RNF150: variants seen among roughly 807,000 people sequenced by gnomAD.
RNF150 encodes the protein ring finger protein 150.
A neutral mutation model predicts 39.3 loss-of-function variants in RNF150; 24 were observed. That is an observed-to-expected ratio of 0.61 (90% confidence interval 0.44 to 0.86). The LOEUF is 0.86. Ranked by LOEUF, RNF150 falls within the 40% of genes least tolerant of loss-of-function variation. RNF150 has a pLI of 0.00. For missense variants in RNF150, 502 were observed against 587.8 expected (o/e 0.85, Z 1.51); for synonymous variants, 255 against 227.3 (o/e 1.12, Z -1.10).
intron 1 of RNF150, among the ~76,000 whole-genome samples, chr4:141,016,838 G>T (rs192890154): frequency 6.6e-6 from 1 of 152,184 alleles, no homozygotes. Flanking sequence ...ACATTAGGGG[G>T]TCTGTCCAGA....
intron 4 of RNF150, among the ~76,000 whole-genome samples, chr4:140,945,845 G>C (rs935131006): frequency 6.6e-6 from 1 of 151,358 alleles, no homozygotes; most frequent in African/African-American, 2.4e-5. Flanking sequence ...AGTAGTAATC[G>C]CATAGGGCTC....
intron 1 of RNF150, among the ~76,000 whole-genome samples, chr4:141,102,144 G>A (rs574901400): frequency 2.4e-4 from 36 of 152,188 alleles, no homozygotes; most frequent in African/African-American, 7.5e-4. Flanking sequence ...CCAAAATGTC[G>A]TTATGTGGCA....
rs1728703426 is a variant in RNF150 at position 140,866,234 on chromosome 4, G to C, written c.*2027C>G. On this transcript the variant is annotated 3_prime_UTR_variant, in exon 7 of 7. Transcript: ENST00000515673. ...TAACTCTACCTCCCCAAGCTACGAA[G>C]CCTGATTGCCACAAGTCATAGCTAT... The C allele has an allele frequency of 6.6e-6, 1 of 152,210 alleles. No individual in the cohort carries two copies. The highest frequency in any genetic ancestry group is 2.4e-5 in the African/African-American group (1 of 41,442). The allele number at this position is 152,210 out of a possible 1,614,324, so 9.4% of individuals were successfully genotyped here.
At chr4:140,965,332 G>A (rs1733195704) in intron 2 of RNF150, among the ~76,000 whole-genome samples, 1 of 152,028 alleles carries the variant, frequency 6.6e-6, no homozygotes, top group Admixed American at 6.6e-5. Context: ...CGGTACAGAG[G>A]TTCCTAAAGA....
intron 1 of RNF150, among the ~76,000 whole-genome samples, chr4:141,109,532 G>A (rs774007792): frequency 6.6e-6 from 1 of 151,878 alleles, no homozygotes; most frequent in African/African-American, 2.4e-5. Context: ...GAACAAATAA[G>A]GAAAAGGTTA....
At chr4:141,202,819 G>A (rs1380066482) in intron 1 of RNF150, among the ~76,000 whole-genome samples, 1 of 151,676 alleles carries the variant, frequency 6.6e-6, no homozygotes, top group Non-Finnish European at 1.5e-5. Context: ...TTAGGGGTCA[G>A]ATCAGTACAA....
chr4:141,190,553 G>T lies in RNF150; in HGVS notation c.-6+22241C>A, dbSNP rs116280980. ...AACAACTTGAATGAGCTTGGAAAAG[G>T]TCCTTGAGCTTCACATGACAGCATA... On this transcript the variant is annotated intron_variant, in intron 1 of 7. Transcript: ENST00000420921. 9.1e-3 allele frequency among the ~76,000 whole-genome samples: 1,391 copies of T among 152,262 alleles called. 21 individuals are homozygous for T. Among genetic ancestry groups the T allele is most frequent in the African/African-American group, 0.031 (1,291 of 41,540 alleles).
At chr4:141,105,190 T>C (rs1000008230) in intron 1 of RNF150, among the ~76,000 whole-genome samples, 1 of 152,238 alleles carries the variant, frequency 6.6e-6, no homozygotes, top group Non-Finnish European at 1.5e-5. Context: ...TAAGTGGGAA[T>C]AACCCTCTGG....
rs1255295737 is a variant in RNF150 at position 141,044,852 on chromosome 4, T to A, written c.485-76979A>T. Among the ~76,000 whole-genome samples the A allele has an allele frequency of 2.6e-5, 4 of 152,084 alleles. No individual in the cohort carries two copies. The East Asian group carries it at 7.7e-4, about 29-fold the overall frequency. On this transcript the variant is annotated intron_variant, in intron 1 of 6. Transcript: ENST00000515673. ...CTTCAAAACTGAAAACTGTGGCACA[T>A]CTTACTGGAGCATCAGTTGATCTCA...
chr4:141,026,156 T>G (rs1735688796), intron 1 of RNF150, among the ~76,000 whole-genome samples: 2 of 152,202 alleles, frequency 1.3e-5, no homozygotes, highest in Non-Finnish European at 2.9e-5. Flanking sequence ...ATCCAGTCTA[T>G]GGTGCTTTTA....
chr4:141,145,290 C>T (rs750711720), intron 1 of RNF150, among the ~76,000 whole-genome samples: 7 of 151,978 alleles, frequency 4.6e-5, no homozygotes, highest in African/African-American at 9.7e-5. Context: ...GAACATTGAC[C>T]TATGAAGAAA....
intron 1 of RNF150, among the ~76,000 whole-genome samples, chr4:141,197,085 G>T (rs1728212998): frequency 6.6e-6 from 1 of 151,964 alleles, no homozygotes; most frequent in Non-Finnish European, 1.5e-5. Flanking sequence ...TTACTCCTTT[G>T]CGCTATTTCC....
At chr4:141,208,667 G>C (rs1472616436) in intron 1 of RNF150, among the ~76,000 whole-genome samples, 1 of 152,176 alleles carries the variant, frequency 6.6e-6, no homozygotes, top group Non-Finnish European at 1.5e-5. Context: ...TAACTAAACA[G>C]GGTTAAGGTC....
At chr4:141,205,161 A>G (rs1728354140) in intron 1 of RNF150, among the ~76,000 whole-genome samples, 1 of 152,204 alleles carries the variant, frequency 6.6e-6, no homozygotes, top group Non-Finnish European at 1.5e-5. Flanking sequence ...TCATTTTATT[A>G]TATAAATCTC....
rs576442258 is a variant in RNF150 at position 140,913,115 on chromosome 4, G to C, written c.988-1761C>G. Among the ~76,000 whole-genome samples, 136 of 152,104 alleles carry C rather than the reference G, an allele frequency of 8.9e-4. 2 individuals carry two copies. The South Asian group carries it at 0.016, about 17-fold the overall frequency. ...TGTCTCAGCTAAAATATAAAAATTA[G>C]CCAGGTGTGGTGGTGCGCACCTGTA... is the stretch of plus-strand genomic sequence containing the variant. On this transcript the variant is annotated intron_variant, in intron 5 of 6. Transcript: ENST00000515673.
In RNF150 at chr4:141,027,912, G is replaced by GTTTTTTGTTTTTTTTTTTTTTT. The variant is rs1560696593; in HGVS notation, c.485-60040_485-60039insAAAAAAAAAAAAAAACAAAAAA. Among the ~76,000 whole-genome samples, 3 of 27,102 alleles carry GTTTTTTGTTTTTTTTTTTTTTT rather than the reference G, an allele frequency of 1.1e-4. 1 individual carries two copies. Among genetic ancestry groups the GTTTTTTGTTTTTTTTTTTTTTT allele is most frequent in the Admixed American group, 9.8e-4 (2 of 2,040 alleles). 17.8% of individuals were successfully genotyped at this position (27,102 alleles called of 152,430 possible). On this transcript the variant is annotated intron_variant, in intron 1 of 6. Transcript: ENST00000515673. ...TAGATAGTTAATGAGCTTGGAATTT[G>GTTTTTTGTTTTTTTTTTTTTTT]TTTTTTTTTTTTTGTTTTTTTTTTT...
intron 2 of RNF150, among the ~76,000 whole-genome samples, chr4:140,950,084 G>A (rs1334492460): frequency 6.6e-6 from 1 of 152,200 alleles, no homozygotes; most frequent in African/African-American, 2.4e-5. Flanking sequence ...AGAGGGTGAT[G>A]AGGAAAACTG....
chr4:140,932,738 G>A (rs987521389), intron 4 of RNF150, among the ~76,000 whole-genome samples: 4 of 152,194 alleles, frequency 2.6e-5, no homozygotes, highest in Non-Finnish European at 4.4e-5. Context: ...CCAGCACATG[G>A]GGAGATGACA....
intron 6 of RNF150, among the ~76,000 whole-genome samples, chr4:140,878,957 T>C (rs900513533): frequency 1.3e-5 from 2 of 152,204 alleles, no homozygotes; most frequent in African/African-American, 4.8e-5. Context: ...AAGGGTCCAA[T>C]TACTTTCTTT....
Sources: allele counts gnomAD v4.1 joint callset (sites outside exome capture counted in the v4.1 genomes callset), GRCh38; gene constraint gnomAD v4.1.1; transcripts MANE v1.5; gene names NCBI Gene and HGNC (gene_info 2026-07-23, HGNC 2026-07-21).